Variants in SEC61G observed in about 807,000 individuals in gnomAD.
SEC61G encodes the protein SEC61 translocon subunit gamma, also known as protein transport protein Sec61 subunit gamma.
A neutral mutation model predicts 7.5 loss-of-function variants in SEC61G; 4 were observed. The ratio of observed to expected loss-of-function variants is 0.54; its 90% CI spans 0.26 to 1.22. The LOEUF (loss-of-function observed/expected upper bound fraction) is 1.22. Ranked by LOEUF, SEC61G falls within the 50% of genes most tolerant of loss-of-function variation. The pLI is 0.12. For synonymous variants in SEC61G, 24 were observed against 24.4 expected (o/e 0.98, Z 0.05); for missense variants, 53 against 84.6 (o/e 0.63, Z 1.46).
At chr7:54,755,698 A>G (rs1791499548) in intron 3 of SEC61G, 81 bp downstream of exon 3, 10 of 716,322 alleles carry the variant, frequency 1.4e-5, no homozygotes, top group East Asian at 1.1e-4. Context: ...ATGCATCTCT[A>G]TATTAACGAA....
chr7:54,757,248 T>C (rs1562769794), intron 2 of SEC61G, among the ~76,000 whole-genome samples: 1 of 152,106 alleles, frequency 6.6e-6, no homozygotes, highest in African/African-American at 2.4e-5. Flanking sequence ...CATAAAATGT[T>C]ACTAACTAAA....
intron 3 of SEC61G, among the ~76,000 whole-genome samples, chr7:54,753,390 T>G (rs1791450278): frequency 6.6e-6 from 1 of 152,168 alleles, no homozygotes; most frequent in African/African-American, 2.4e-5. Context: ...TTGCTATAAC[T>G]AAAAGGCCAG....
At chr7:54,755,965 C>T in intron 2 of SEC61G, 84 bp from the exon 3 acceptor site, 1 of 648,982 alleles carries the variant, frequency 1.5e-6, no homozygotes, top group South Asian at 2.3e-5. Flanking sequence ...CATAAATGAA[C>T]TTAACTAGTA....
chr7:54,756,344 G>T (rs1791513285), intron 2 of SEC61G, among the ~76,000 whole-genome samples: 3 of 152,116 alleles, frequency 2.0e-5, no homozygotes, highest in Admixed American at 2.0e-4. Flanking sequence ...TTATGATGAA[G>T]CCAAAAATAA....
At chr7:54,757,387 A>C in intron 2 of SEC61G, 108 bp downstream of exon 2, 1 of 876,068 alleles carries the variant, frequency 1.1e-6, no homozygotes, top group Non-Finnish European at 1.8e-6. Flanking sequence ...ATCAATCAAT[A>C]AAAATGTTGA....
rs192445878 is a variant in SEC61G, at chr7:54,756,051, C to A, written c.95-170G>T. Among the ~76,000 whole-genome samples the A allele has an allele frequency of 1.9e-3, 294 of 152,120 alleles. 1 individual carries two copies. Among genetic ancestry groups the A allele is most frequent in the African/African-American group, 6.7e-3 (277 of 41,496 alleles). ...TATTAACAGTAAACAAGTTGTTTGACAGGTTTTAAAATTTCCATGTTTTGT... is the reference window on the plus strand; with the variant it reads ...TATTAACAGTAAACAAGTTGTTTGAAAGGTTTTAAAATTTCCATGTTTTGT... On this transcript the variant is annotated intron_variant, in intron 2 of 3. Transcript: ENST00000352861.
At chr7:54,753,053 G>A (rs1791444188) in intron 3 of SEC61G, among the ~76,000 whole-genome samples, 1 of 152,112 alleles carries the variant, frequency 6.6e-6, no homozygotes, top group African/African-American at 2.4e-5. Context: ...ACTCTGGGAG[G>A]CTGAGGGAGG....
At chr7:54,757,875 T>C (rs1241479392) in intron 1 of SEC61G, among the ~76,000 whole-genome samples, 2 of 152,256 alleles carry the variant, frequency 1.3e-5, no homozygotes, top group African/African-American at 4.8e-5. Context: ...CCTATCTCTA[T>C]TAAAAGGTTA....
chr7:54,757,789 C>G (rs186176125), intron 1 of SEC61G, among the ~76,000 whole-genome samples, 195 bp from the exon 2 acceptor site: 29 of 152,250 alleles, frequency 1.9e-4, no homozygotes, highest in African/African-American at 6.7e-4. Context: ...AGTTAATTAT[C>G]AAAGGCAATA....
rs747622211 is a variant in SEC61G, at chr7:54,759,143, T to C, written c.-7+15A>G. On this transcript the variant is annotated intron_variant, in intron 1 of 3. Transcript: ENST00000352861. ...CGCCCCGTTCGCCCGTACCGACCGG[T>C]GGGAAGAAACTCACCTACCCAACCG... 5.8e-6 allele frequency: 3 copies of C among 518,304 alleles called. No individual in the cohort carries two copies. Among genetic ancestry groups the C allele is most frequent in the Non-Finnish European group, 7.7e-6 (2 of 259,470 alleles). 32.1% of individuals were successfully genotyped at this position (518,304 alleles called of 1,614,324 possible). A position where few individuals can be genotyped will look rare whatever the true frequency, so the allele number is the denominator to read the frequency against.
intron 3 of SEC61G, among the ~76,000 whole-genome samples, chr7:54,753,861 T>C (rs1791458628): frequency 6.6e-6 from 1 of 152,226 alleles, no homozygotes; most frequent in African/African-American, 2.4e-5. Flanking sequence ...GAAGATTAAA[T>C]GAGTTGACAC....
intron 1 of SEC61G, among the ~76,000 whole-genome samples, chr7:54,758,364 T>G (rs568122464): frequency 6.6e-6 from 1 of 152,318 alleles, no homozygotes; most frequent in African/African-American, 2.4e-5. Flanking sequence ...AGGGTGTTAT[T>G]TGTATTTTCC....
At chr7:54,758,178 G>T (rs1583716804) in intron 1 of SEC61G, among the ~76,000 whole-genome samples, 1 of 152,318 alleles carries the variant, frequency 6.6e-6, no homozygotes, top group African/African-American at 2.4e-5. Flanking sequence ...GCTAAAGGAA[G>T]ACGCAAATTC....
chr7:54,753,942 C>A (rs1274058152), intron 3 of SEC61G, among the ~76,000 whole-genome samples: 1 of 152,184 alleles, frequency 6.6e-6, no homozygotes, highest in South Asian at 2.1e-4. Flanking sequence ...AAGACAAGAA[C>A]CTGAAGTTGT....
At chr7:54,759,060 C>A in intron 1 of SEC61G, 98 bp downstream of exon 1, 2 of 421,052 alleles carry the variant, frequency 4.8e-6, no homozygotes, top group Admixed American at 2.5e-5. Context: ...GACGGCCGCC[C>A]GGGGAGACAC....
chr7:54,757,051 T>C (rs1054284495), intron 2 of SEC61G, among the ~76,000 whole-genome samples: 1 of 150,180 alleles, frequency 6.7e-6, no homozygotes, highest in Non-Finnish European at 1.5e-5. Context: ...TACCAGCTCC[T>C]AACTCAATGA....
At chr7:54,758,774 C>T (rs1352554916) in intron 1 of SEC61G, among the ~76,000 whole-genome samples, 2 of 152,208 alleles carry the variant, frequency 1.3e-5, no homozygotes, top group African/African-American at 4.8e-5. Flanking sequence ...ACGGAAGCGG[C>T]GGCAGGACCA....
At chr7:54,754,698 A>G (rs1791474197) in intron 3 of SEC61G, 1 of 151,908 alleles carries the variant, frequency 6.6e-6, no homozygotes, top group South Asian at 2.1e-4. Context: ...TAGGAGATTT[A>G]TAGTTTAGAA....
rs776570442 is a variant in SEC61G at position 54,759,182 on chromosome 7, C to A, written c.-31G>T. 2 of 519,048 alleles carry A rather than the reference C, an allele frequency of 3.9e-6. No individual in the cohort carries two copies. The highest frequency in any genetic ancestry group is 1.9e-5 in the Admixed American group (1 of 51,614). The allele number at this position is 519,048 out of a possible 1,614,324, so 32.2% of individuals were successfully genotyped here. A position where few individuals can be genotyped will look rare whatever the true frequency, so the allele number is the denominator to read the frequency against. On this transcript the variant is annotated 5_prime_UTR_variant, in exon 1 of 4. Coordinates refer to ENST00000352861, the MANE Select transcript of SEC61G (RefSeq NM_014302.4). ...CCTACCCAACCGACACCTAAAATGC[C>A]AGGGACACGTAGCACTGGAGCTTGC...
Sources: allele counts gnomAD v4.1 joint callset (sites outside exome capture counted in the v4.1 genomes callset), GRCh38; gene constraint gnomAD v4.1.1; transcripts MANE v1.5; gene names NCBI Gene and HGNC (gene_info 2026-07-23, HGNC 2026-07-21).